KLF13: variants seen among roughly 807,000 people sequenced by gnomAD.
KLF13 encodes Krueppel-like factor 13.
KLF13 carries 8 observed loss-of-function variants against 16.7 expected under a neutral mutation model. The ratio of observed to expected loss-of-function variants is 0.48; its 90% CI spans 0.28 to 0.87. KLF13 has a LOEUF of 0.87. Among genes scored for constraint, KLF13 ranks in the 40% least tolerant of loss-of-function variants. The pLI is 0.10. For missense variants in KLF13, 447 were observed against 452.2 expected, an observed-to-expected ratio of 0.99 and a Z score of 0.10; for synonymous variants, 245 against 208.4, an observed-to-expected ratio of 1.18 and a Z score of -1.51.
At chr15:31,392,070 C>T (rs1035593284), upstream of KLF13, among the ~76,000 whole-genome samples, 11 of 152,030 alleles carry the variant, frequency 7.2e-5, no homozygotes, top group Non-Finnish European at 1.3e-4. Context: ...CCCACTCGCC[C>T]CCGACCCCCG....
chr15:31,367,174 C>G (rs995046293), intron 1 of KLF13, among the ~76,000 whole-genome samples: 24 of 152,200 alleles, frequency 1.6e-4, no homozygotes, highest in African/African-American at 5.3e-4. Flanking sequence ...TGTCAGCCTC[C>G]TGGGTGCTGC....
At chr15:31,420,532 C>A in intron 1 of KLF13, 1 of 555,328 alleles carries the variant, frequency 1.8e-6, no homozygotes, top group Admixed American at 2.3e-5. Context: ...TGGTCTCCAT[C>A]CAGAGCCTGC....
At chr15:31,414,165 T>C (rs2040229377) in intron 1 of KLF13, among the ~76,000 whole-genome samples, 1 of 152,148 alleles carries the variant, frequency 6.6e-6, no homozygotes, top group Non-Finnish European at 1.5e-5. Context: ...AAGGTGATTA[T>C]GATCAGTTAA....
chr15:31,337,980 G>T (rs796331010), intron 1 of KLF13, among the ~76,000 whole-genome samples: 1 of 152,200 alleles, frequency 6.6e-6, no homozygotes, highest in Non-Finnish European at 1.5e-5. Context: ...ACTGTCACAG[G>T]TGTAGAGCTG....
chr15:31,384,127 A>G (rs1192255888), intron 1 of KLF13, among the ~76,000 whole-genome samples: 1 of 152,148 alleles, frequency 6.6e-6, no homozygotes, highest in Non-Finnish European at 1.5e-5. Flanking sequence ...TTGTGTTTAC[A>G]TGTTTAAATG....
Position 31,372,148 on chromosome 15 carries a change from G to A in KLF13, c.716G>A (p.Ser239Asn), listed in dbSNP as rs1430637944. 1 of 1,612,978 alleles carries A rather than the reference G, an allele frequency of 6.2e-7. No individual in the cohort carries two copies. Residue 239 changes from serine (S) to asparagine (N), a missense_variant, in exon 2 of 2, where the codon AGC (serine) becomes AAC (asparagine). Transcript: ENST00000307145. ...CPICEKRFMR[S>N]DHLTKHARRH... The stretch of plus-strand genomic sequence containing the variant: ...ATCTGCGAGAAGCGCTTCATGCGCA[G>A]CGACCACCTGACCAAGCACGCGCGC...
At chr15:31,358,561 T>A (rs561105149) in intron 1 of KLF13, among the ~76,000 whole-genome samples, 8 of 152,278 alleles carry the variant, frequency 5.3e-5, no homozygotes, top group African/African-American at 1.9e-4. Flanking sequence ...TTGGTAAGAG[T>A]GTTCAGATCT....
intron 1 of KLF13, among the ~76,000 whole-genome samples, chr15:31,339,372 C>A (rs766630857): frequency 6.6e-6 from 1 of 151,988 alleles, no homozygotes; most frequent in Non-Finnish European, 1.5e-5. Flanking sequence ...GATTCATTGA[C>A]TTTTCTTTTA....
chr15:31,415,407 A>C (rs2040243239), intron 1 of KLF13, among the ~76,000 whole-genome samples: 2 of 152,220 alleles, frequency 1.3e-5, no homozygotes, highest in African/African-American at 4.8e-5. Flanking sequence ...TACCTCAATA[A>C]ATTTAACAGA....
chr15:31,348,949 T>G (rs1044704172), intron 1 of KLF13, among the ~76,000 whole-genome samples: 1 of 152,038 alleles, frequency 6.6e-6, no homozygotes. Context: ...GTCTCCTTTC[T>G]AAGGGTACTA....
At chr15:31,336,187 A>C (rs957020393) in intron 1 of KLF13, among the ~76,000 whole-genome samples, 2 of 152,220 alleles carry the variant, frequency 1.3e-5, no homozygotes, top group African/African-American at 4.8e-5. Flanking sequence ...CTTTTGGAGC[A>C]CTGGCAGCTA....
At chr15:31,328,073 A>T (rs939774854) in intron 1 of KLF13, among the ~76,000 whole-genome samples, 8 of 138,082 alleles carry the variant, frequency 5.8e-5, no homozygotes, top group African/African-American at 2.2e-4. Flanking sequence ...GGATATAGTC[A>T]TCTGGGCTGG....
intron 1 of KLF13, among the ~76,000 whole-genome samples, chr15:31,338,005 A>C (rs571310804): frequency 6.6e-6 from 1 of 151,416 alleles, no homozygotes; most frequent in East Asian, 1.9e-4. Context: ...GTTGGCGAGC[A>C]GGTAGGTGGT....
intron 1 of KLF13, among the ~76,000 whole-genome samples, chr15:31,363,998 A>AGGGGTT (rs2039425988): frequency 1.3e-5 from 2 of 152,158 alleles, no homozygotes; most frequent in South Asian, 4.1e-4. Context: ...TCCCTGCCCT[A>AGGGGTT]GGGGTTCGAG....
intron 1 of KLF13, among the ~76,000 whole-genome samples, chr15:31,344,888 G>T (rs1278802821): frequency 5.9e-5 from 9 of 152,204 alleles, no homozygotes; most frequent in Non-Finnish European, 1.3e-4. Flanking sequence ...GAGTGGGGAG[G>T]GAGGGGCCGC....
downstream of KLF13, among the ~76,000 whole-genome samples, chr15:31,381,536 T>C (rs1177127257): frequency 1.3e-5 from 2 of 152,070 alleles, no homozygotes; most frequent in Non-Finnish European, 2.9e-5. Flanking sequence ...CCTGAACTAG[T>C]CCAGGATGAG....
intron 1 of KLF13, among the ~76,000 whole-genome samples, chr15:31,339,704 C>A (rs1267191026): frequency 2.0e-5 from 3 of 152,248 alleles, no homozygotes; most frequent in African/African-American, 7.2e-5. Flanking sequence ...GGCCTGGCCC[C>A]CTCCCTGCAG....
chr15:31,374,158 C>G lies in KLF13; in HGVS notation c.*1859C>G, dbSNP rs2039605324. The stretch of plus-strand genomic sequence containing the variant: ...GCTGGCTCCAGAGTGGACAGGTACG[C>G]TCTGTCCACAGCAGCTGCTCAGGCA... On this transcript the variant is annotated 3_prime_UTR_variant, in exon 2 of 2. Transcript: ENST00000307145. 1 of 152,678 alleles carries G rather than the reference C, an allele frequency of 6.5e-6. No homozygotes were observed. The highest frequency in any genetic ancestry group is 2.4e-5 in the African/African-American group (1 of 41,440). The allele number at this position is 152,678 out of a possible 1,614,324, so 9.5% of individuals were successfully genotyped here.
At chr15:31,369,080 C>T (rs1435960476) in intron 1 of KLF13, among the ~76,000 whole-genome samples, 1 of 152,234 alleles carries the variant, frequency 6.6e-6, no homozygotes, top group African/African-American at 2.4e-5. Context: ...TATCCCTCCC[C>T]TCCAACTCTT....
Sources: allele counts gnomAD v4.1 joint callset (sites outside exome capture counted in the v4.1 genomes callset), GRCh38; gene constraint gnomAD v4.1.1; transcripts MANE v1.5; gene names NCBI Gene and HGNC (gene_info 2026-07-23, HGNC 2026-07-21).